Variants in ITSN2 observed in about 807,000 individuals in gnomAD.
ITSN2 encodes the protein intersectin-2.
In ITSN2, 156 loss-of-function variants were observed where a neutral mutation model predicts 243.7. That is an observed-to-expected ratio of 0.64 (90% confidence interval 0.56 to 0.73). ITSN2 has a LOEUF of 0.73. ITSN2 is among the 30% of genes least tolerant of loss of function. ITSN2 has a pLI of 0.00. For synonymous variants in ITSN2, 703 were observed against 699.9 expected (o/e 1.00, Z -0.07); for missense variants, 1,801 against 1,996.1 (o/e 0.90, Z 1.86).
intron 1 of ITSN2, among the ~76,000 whole-genome samples, chr2:24,342,519 A>G (rs1164299264): frequency 6.7e-6 from 1 of 148,916 alleles, no homozygotes; most frequent in East Asian, 2.0e-4. Flanking sequence ...GGGCAGAGCT[A>G]AGGACAGACT....
intron 1 of ITSN2, among the ~76,000 whole-genome samples, chr2:24,339,340 G>A (rs1011336202): frequency 6.6e-6 from 1 of 151,872 alleles, no homozygotes; most frequent in African/African-American, 2.4e-5. Flanking sequence ...GTGTGGCGGT[G>A]CATGCCTGTA....
chr2:24,306,371 C>G (rs1435608556), intron 8 of ITSN2, among the ~76,000 whole-genome samples: 1 of 152,176 alleles, frequency 6.6e-6, no homozygotes, highest in East Asian at 1.9e-4. Flanking sequence ...CACATGGCCC[C>G]TTCCCCACAC....
intron 33 of ITSN2, among the ~76,000 whole-genome samples, chr2:24,212,145 A>G (rs1669546041): frequency 6.6e-6 from 1 of 152,218 alleles, no homozygotes; most frequent in Admixed American, 6.5e-5. Context: ...AAGGAATTTT[A>G]GAAGGAATGT....
intron 17 of ITSN2, among the ~76,000 whole-genome samples, chr2:24,277,421 CTA>C (rs1283194705): frequency 1.3e-5 from 2 of 152,222 alleles, no homozygotes; most frequent in Non-Finnish European, 1.5e-5. Context: ...TGTCCAGAGA[CTA>C]TGTCCAACAT....
At chr2:24,340,303 T>G (rs1686905769) in intron 1 of ITSN2, among the ~76,000 whole-genome samples, 1 of 151,766 alleles carries the variant, frequency 6.6e-6, no homozygotes. Context: ...CAAGATGGTA[T>G]AACCCCATCT....
intron 17 of ITSN2, among the ~76,000 whole-genome samples, chr2:24,282,648 G>A (rs549578029): frequency 6.6e-6 from 1 of 152,088 alleles, no homozygotes; most frequent in African/African-American, 2.4e-5. Context: ...AGACACTGCC[G>A]TGGGGTCAGA....
In ITSN2 at chr2:24,209,965, G is replaced by T. The variant is rs1450191306; in HGVS notation, c.4326C>A (p.Tyr1442Ter). The change falls in exon 35 of 40, where the codon TAC (tyrosine) becomes TAA (stop). Residue 1442 changes from tyrosine to a stop codon, truncating the protein, a stop_gained. Coordinates refer to ENST00000355123, the MANE Select transcript of ITSN2 (RefSeq NM_006277.3). LOFTEE classifies it high-confidence loss of function. ...GCAGTTCCTTGTTGCTCTTGGTCTT[G>T]TATAATTTCCCACTGTGTAAGAGCT... ...PRKLLHSGKL[Y>*]KTKSNKELHG... The T allele has an allele frequency of 6.2e-7, 1 of 1,614,056 alleles. No homozygotes were observed. Among genetic ancestry groups the T allele is most frequent in the African/African-American group, 1.3e-5 (1 of 74,930 alleles).
intron 29 of ITSN2, among the ~76,000 whole-genome samples, chr2:24,229,580 C>T (rs565526200): frequency 2.0e-5 from 3 of 152,264 alleles, no homozygotes; most frequent in African/African-American, 7.2e-5. Flanking sequence ...CAGAGTAAGA[C>T]ACTGTCTCAA....
chr2:24,328,442 TATAAGA>T (rs1223322232), intron 1 of ITSN2, among the ~76,000 whole-genome samples: 1 of 151,926 alleles, frequency 6.6e-6, no homozygotes, highest in African/African-American at 2.4e-5. Context: ...AAATTAAGTA[TATAAGA>T]ATAACATGGA....
chr2:24,210,295 T>C (rs964893128), intron 34 of ITSN2: 11 of 471,300 alleles, frequency 2.3e-5, no homozygotes, highest in Non-Finnish European at 4.2e-5. Context: ...AAAATCCCAG[T>C]GTTCTCTCCT....
At chr2:24,248,171 AG>A (rs1673647546) in intron 27 of ITSN2, among the ~76,000 whole-genome samples, 1 of 152,060 alleles carries the variant, frequency 6.6e-6, no homozygotes, top group Non-Finnish European at 1.5e-5. Flanking sequence ...GAAAAAAAAA[AG>A]GTTCATCTAT....
At chr2:24,266,820 T>C (rs1676709749) in intron 20 of ITSN2, among the ~76,000 whole-genome samples, 1 of 150,202 alleles carries the variant, frequency 6.7e-6, no homozygotes, top group African/African-American at 2.4e-5. Context: ...GCCTGTAGTC[T>C]CCACTACTCA....
intron 13 of ITSN2, among the ~76,000 whole-genome samples, chr2:24,296,372 T>G (rs547906834): frequency 6.6e-6 from 1 of 152,294 alleles, no homozygotes; most frequent in South Asian, 2.1e-4. Flanking sequence ...TGGGGGGTTA[T>G]GGGCTGAACT....
intron 25 of ITSN2, among the ~76,000 whole-genome samples, chr2:24,250,069 CA>C (rs1673898806): frequency 6.6e-6 from 1 of 152,094 alleles, no homozygotes; most frequent in African/African-American, 2.4e-5. Flanking sequence ...AATGAAACAG[CA>C]AAAATTTTAT....
At chr2:24,273,999 A>C (rs1270378811) in intron 18 of ITSN2, among the ~76,000 whole-genome samples, 1 of 152,190 alleles carries the variant, frequency 6.6e-6, no homozygotes, top group African/African-American at 2.4e-5. Flanking sequence ...CTACTACCTA[A>C]TGTGCAAGGA....
chr2:24,261,829 C>G (rs1391265732), intron 20 of ITSN2, 87 bp from the exon 21 acceptor site: 14 of 980,464 alleles, frequency 1.4e-5, no homozygotes, highest in Non-Finnish European at 2.1e-5. Flanking sequence ...ATAGTATTCT[C>G]ATTTTCAGAA....
chr2:24,275,875 A>G, intron 17 of ITSN2, 26 bp from the exon 18 acceptor site: 1 of 1,549,482 alleles, frequency 6.5e-7, no homozygotes, highest in Non-Finnish European at 8.8e-7. Context: ...AAATAAGTCA[A>G]TACGTGAATG....
chr2:24,336,354 T>G (rs1686380350), intron 1 of ITSN2, among the ~76,000 whole-genome samples: 1 of 152,052 alleles, frequency 6.6e-6, no homozygotes, highest in Non-Finnish European at 1.5e-5. Flanking sequence ...CTTGAGACCC[T>G]TCCACACAGC....
intron 29 of ITSN2, among the ~76,000 whole-genome samples, chr2:24,224,653 A>C (rs1439009574): frequency 7.4e-6 from 1 of 135,718 alleles, no homozygotes; most frequent in Non-Finnish European, 1.6e-5. Flanking sequence ...TTTTTTTTTG[A>C]GACGGAGTCT....
Sources: allele counts gnomAD v4.1 joint callset (sites outside exome capture counted in the v4.1 genomes callset), GRCh38; gene constraint gnomAD v4.1.1; transcripts MANE v1.5; gene names NCBI Gene and HGNC (gene_info 2026-07-23, HGNC 2026-07-21).